The following CSN1S1 variants were observed in gnomAD, a reference collection of about 807,000 sequenced individuals.
The protein encoded by CSN1S1 is casein alpha s1.
In CSN1S1, 63 loss-of-function variants were observed where a neutral mutation model predicts 49.1. That is an observed-to-expected ratio of 1.28 (90% CI 1.05 to 1.58). The LOEUF (loss-of-function observed/expected upper bound fraction) is 1.58. Among genes scored for constraint, CSN1S1 ranks in the 40% most tolerant of loss-of-function variants. The pLI, the probability that CSN1S1 is intolerant of heterozygous loss-of-function variation, is 0.00. For synonymous variants in CSN1S1, 78 were observed against 67.1 expected (o/e 1.16, Z -0.79); for missense variants, 260 against 224.7 (o/e 1.16, Z -1.01).
intron 10 of CSN1S1, 37 bp downstream of exon 10, chr4:69,939,245 A>G: frequency 6.7e-7 from 1 of 1,489,640 alleles, no homozygotes; most frequent in Non-Finnish European, 9.3e-7. Context: ...GTCCCAACTA[A>G]TTTAAAAAAT....
Position 69,946,452 on chromosome 4 carries a change from G to A in CSN1S1, c.*256G>A, listed in dbSNP as rs1345651508. 1 of 205,572 alleles carries A rather than the reference G, an allele frequency of 4.9e-6. No homozygotes were observed. Among genetic ancestry groups the A allele is most frequent in the Non-Finnish European group, 9.8e-6 (1 of 102,544 alleles). 12.7% of individuals were successfully genotyped at this position (205,572 alleles called of 1,614,324 possible). On this transcript the variant is annotated 3_prime_UTR_variant, in exon 16 of 16. Transcript: ENST00000246891. ...ATTAAAGTGTTTACTAAGTTTTCTA[G>A]TGGACATTTTGTTTAAAAAGTCTTT...
intron 2 of CSN1S1, 99 bp from the exon 3 acceptor site, chr4:69,934,113 T>C: frequency 2.5e-6 from 2 of 813,500 alleles, no homozygotes; most frequent in Middle Eastern, 3.3e-4. Context: ...CTTTTGAAAA[T>C]GGCAGTGTCA....
At chr4:69,944,155 T>C (rs547591525) in intron 14 of CSN1S1, among the ~76,000 whole-genome samples, 2 of 152,164 alleles carry the variant, frequency 1.3e-5, no homozygotes, top group Admixed American at 1.3e-4. Context: ...TTTTAAATGC[T>C]TTTAAAGATT....
chr4:69,938,078 T>C (rs1313254219), intron 9 of CSN1S1, among the ~76,000 whole-genome samples: 1 of 151,866 alleles, frequency 6.6e-6, no homozygotes, highest in Non-Finnish European at 1.5e-5. Flanking sequence ...ATTTAAGCCA[T>C]TTAAATAATA....
intron 14 of CSN1S1, 87 bp downstream of exon 14, chr4:69,942,664 G>A: frequency 1.9e-6 from 2 of 1,059,124 alleles, no homozygotes; most frequent in Non-Finnish European, 2.8e-6. Context: ...TACTCTTGAA[G>A]AGATTTTTTT....
chr4:69,945,156 T>C (rs2109732301), intron 15 of CSN1S1, among the ~76,000 whole-genome samples, 152 bp downstream of exon 15: 1 of 152,182 alleles, frequency 6.6e-6, no homozygotes, highest in African/African-American at 2.4e-5. Flanking sequence ...GGAAAATTGA[T>C]AATATTTTGT....
intron 11 of CSN1S1, 66 bp downstream of exon 11, chr4:69,940,110 T>TTCTC (rs201239166): frequency 4.9e-6 from 2 of 408,358 alleles, no homozygotes; most frequent in Admixed American, 5.6e-5. Context: ...TGCACTTACT[T>TTCTC]TCACACACAC....
intron 1 of CSN1S1, 78 bp from the exon 2 acceptor site, chr4:69,932,465 TG>T: frequency 7.8e-7 from 1 of 1,283,530 alleles, no homozygotes; most frequent in East Asian, 2.5e-5. Flanking sequence ...GCTCCTTTGT[TG>T]AAAAATCAAG....
At chr4:69,934,988 ATAAAAC>A (rs1722724509) in intron 4 of CSN1S1, among the ~76,000 whole-genome samples, 1 of 152,158 alleles carries the variant, frequency 6.6e-6, no homozygotes, top group African/African-American at 2.4e-5. Context: ...AAATTAGATC[ATAAAAC>A]TAAAACTAAT....
rs187904415 is a variant in CSN1S1 at position 69,935,478 on chromosome 4, C to A, written c.106-448C>A. Among the ~76,000 whole-genome samples the A allele has an allele frequency of 2.9e-3, 443 of 151,836 alleles. 4 individuals are homozygous for A. Among genetic ancestry groups the A allele is most frequent in the African/African-American group, 0.01 (424 of 41,410 alleles). On this transcript the variant is annotated intron_variant, in intron 4 of 15. Transcript: ENST00000246891. ...GGTGTGAGGGTCACTTGAGCATGGG[C>A]GGTTAAAGCTGCAATGAGTCGTGAT...
At position 69,932,528 on chromosome 4, in the gene CSN1S1, T is replaced by G; in HGVS notation, c.-12-16T>G. 1 of 1,583,832 alleles carries G rather than the reference T, an allele frequency of 6.3e-7. No homozygotes were observed. The highest frequency in any genetic ancestry group is 1.2e-5 in the South Asian group (1 of 86,924). ...GTAATAATATCTAACTCTTTCTTTT[T>G]TGTTCTCTTACATAGGCTCTGATAA... On this transcript the variant is annotated splice_polypyrimidine_tract_variant and intron_variant, in intron 1 of 15. Coordinates refer to ENST00000246891, the MANE Select transcript of CSN1S1 (RefSeq NM_001890.2).
intron 8 of CSN1S1, among the ~76,000 whole-genome samples, 153 bp downstream of exon 8, chr4:69,937,297 T>A (rs938380497): frequency 1.3e-5 from 2 of 150,980 alleles, no homozygotes; most frequent in Non-Finnish European, 3.0e-5. Flanking sequence ...TTGGCCAGAA[T>A]AACCAAACCA....
In CSN1S1 at chr4:69,932,618, A is replaced by G. The variant is rs1165811170; in HGVS notation, c.51+12A>G. 1 of 1,585,526 alleles carries G rather than the reference A, an allele frequency of 6.3e-7. No homozygotes were observed. Among genetic ancestry groups the G allele is most frequent in the Non-Finnish European group, 8.6e-7 (1 of 1,162,772 alleles). On this transcript the variant is annotated intron_variant, in intron 2 of 15. Transcript: ENST00000246891. Reference sequence around the variant, plus strand: ...CTCTTGCCAGGCCTGTAAGTTCAGTAGAGAATTTAGAAAGTCTTAGACTCT... The same window carrying G: ...CTCTTGCCAGGCCTGTAAGTTCAGTGGAGAATTTAGAAAGTCTTAGACTCT...
In CSN1S1 at chr4:69,936,574, CA is replaced by C; in HGVS notation, c.163del (p.Ile55PhefsTer2). 6.2e-7 allele frequency: 1 copy of C among 1,605,858 alleles called. No homozygotes were observed. Among genetic ancestry groups the C allele is most frequent in the Non-Finnish European group, 8.5e-7 (1 of 1,175,784 alleles). Reference protein sequence around the residue: ...YMNGMNRQRNILREKQTDEIK... With the variant: ...YMNGMNRQRNXLREKQTDEIK... ...CACTTTATTGATTTTAGCAGAGAAACATTCTGAGAGAAAAACAGACTGATGA... is the reference window on the plus strand; with the variant it reads ...CACTTTATTGATTTTAGCAGAGAAACTTCTGAGAGAAAAACAGACTGATGA... On this transcript the variant is annotated frameshift_variant, in exon 7 of 16. Transcript: ENST00000246891. LOFTEE classifies it high-confidence loss of function.
At chr4:69,934,324 G>GA (rs1343016895) in intron 3 of CSN1S1, 80 bp downstream of exon 3, 2 of 1,337,318 alleles carry the variant, frequency 1.5e-6, no homozygotes, top group Non-Finnish European at 2.1e-6. Flanking sequence ...CCTTCTCTAT[G>GA]AAACAGCCTG....
intron 11 of CSN1S1, among the ~76,000 whole-genome samples, chr4:69,940,375 C>G (rs1722935743): frequency 6.6e-6 from 1 of 151,616 alleles, no homozygotes; most frequent in Admixed American, 6.6e-5. Flanking sequence ...TTATCTAATT[C>G]ACAGTTTTAG....
chr4:69,931,369 A>C (rs115314163), intron 1 of CSN1S1, among the ~76,000 whole-genome samples: 4,890 of 152,088 alleles, frequency 0.032, 250 homozygotes, highest in African/African-American at 0.1. Flanking sequence ...TATATTTTTA[A>C]AGTTGATACA....
chr4:69,943,085 A>G (rs1179967651), intron 14 of CSN1S1, among the ~76,000 whole-genome samples: 2 of 151,270 alleles, frequency 1.3e-5, no homozygotes, highest in African/African-American at 4.9e-5. Context: ...GTCACTGGCT[A>G]AAGTAAAAAG....
In CSN1S1 at chr4:69,935,911, C is replaced by CT. The variant is rs749035090; in HGVS notation, c.106-5dup. ...CAACTATGAATGAATTTTAACATAA[C>CT]TTTTTTTTTTGTAGCCTATACCATT... is the stretch of plus-strand genomic sequence containing the variant. On this transcript the variant is annotated splice_polypyrimidine_tract_variant and intron_variant, in intron 4 of 15. Coordinates refer to ENST00000246891, the MANE Select transcript of CSN1S1 (RefSeq NM_001890.2). 11,976 of 1,244,570 alleles carry CT rather than the reference C, an allele frequency of 9.6e-3. No homozygotes were observed. The highest frequency in any genetic ancestry group is 0.012 in the Admixed American group (499 of 41,850). The allele number at this position is 1,244,570 out of a possible 1,614,324, so 77.1% of individuals were successfully genotyped here. A position where few individuals can be genotyped will look rare whatever the true frequency, so the allele number is the denominator to read the frequency against.
Sources: allele counts gnomAD v4.1 joint callset (sites outside exome capture counted in the v4.1 genomes callset), GRCh38; gene constraint gnomAD v4.1.1; transcripts MANE v1.5; gene names NCBI Gene and HGNC (gene_info 2026-07-23, HGNC 2026-07-21).